TERB1: variants seen among roughly 807,000 people sequenced by gnomAD.
TERB1 encodes telomere repeat binding bouquet formation protein 1, also known as telomere repeats-binding bouquet formation protein 1.
In TERB1, 63 loss-of-function variants were observed where a neutral mutation model predicts 92.3. That is an observed-to-expected ratio of 0.68 (90% CI 0.56 to 0.84). TERB1 has a LOEUF of 0.84. Ranked by LOEUF, TERB1 falls within the 40% of genes least tolerant of loss-of-function variation. TERB1 has a pLI of 0.00. For missense variants in TERB1, 709 were observed against 843.7 expected (o/e 0.84, Z 1.98); for synonymous variants, 252 against 283.9 (o/e 0.89, Z 1.13).
chr16:66,775,164 T>C lies in TERB1; in HGVS notation c.1065A>G (p.Glu355=). ...GCACAAATGTGGCAGCTTTGTTCAG[T>C]TCCTCATTCTGCGATTCAGTTAAGG... The part of the protein sequence containing the change: ...IQALTESQNE[E]LNKAATFVLH... Residue 355 remains glutamate, a synonymous_variant, in exon 12 of 19, where the codon GAA becomes GAG. Transcript: ENST00000433154. The C allele has an allele frequency of 1.3e-6, 2 of 1,551,684 alleles. No homozygotes were observed. The highest frequency in any genetic ancestry group is 1.7e-6 in the Non-Finnish European group (2 of 1,146,968).
intron 16 of TERB1, among the ~76,000 whole-genome samples, chr16:66,763,595 G>A (rs995721478): frequency 2.0e-5 from 3 of 151,908 alleles, no homozygotes; most frequent in African/African-American, 7.3e-5. Context: ...TTGTAATTGG[G>A]CAGCCTCTTG....
At chr16:66,771,495 C>T (rs2018450284) in intron 13 of TERB1, among the ~76,000 whole-genome samples, 1 of 152,174 alleles carries the variant, frequency 6.6e-6, no homozygotes, top group Non-Finnish European at 1.5e-5. Context: ...CCTAAACTTT[C>T]CCTAAAGTTC....
At chr16:66,779,803 A>G (rs1482060013) in intron 9 of TERB1, among the ~76,000 whole-genome samples, 1 of 152,216 alleles carries the variant, frequency 6.6e-6, no homozygotes, top group Non-Finnish European at 1.5e-5. Flanking sequence ...CCGTTCTAAA[A>G]GAGCATACAT....
intron 2 of TERB1, among the ~76,000 whole-genome samples, chr16:66,797,112 T>A (rs1429273794): frequency 6.6e-6 from 1 of 152,190 alleles, no homozygotes; most frequent in East Asian, 1.9e-4. Context: ...CATAATTACA[T>A]TGAAAAACAT....
At chr16:66,797,225 A>AT (rs1219079844) in intron 2 of TERB1, among the ~76,000 whole-genome samples, 1 of 147,676 alleles carries the variant, frequency 6.8e-6, no homozygotes, top group Non-Finnish European at 1.5e-5. Flanking sequence ...AGCTGGTCCC[A>AT]TTTCCTTCCT....
chr16:66,775,055 G>T, intron 12 of TERB1, 63 bp downstream of exon 12: 1 of 1,503,272 alleles, frequency 6.7e-7, no homozygotes, highest in Non-Finnish European at 9.0e-7. Context: ...GCTCATGAAA[G>T]CAGAAATAAA....
At chr16:66,796,087 A>G (rs2018925593) in intron 3 of TERB1, among the ~76,000 whole-genome samples, 1 of 152,196 alleles carries the variant, frequency 6.6e-6, no homozygotes. Context: ...AGAGTAAGCA[A>G]TTCATACTGT....
intron 12 of TERB1, among the ~76,000 whole-genome samples, chr16:66,773,104 G>A (rs1170905354): frequency 6.6e-6 from 1 of 151,670 alleles, no homozygotes; most frequent in African/African-American, 2.4e-5. Flanking sequence ...CGAGGCGGGA[G>A]GATCACTTGA....
chr16:66,767,091 G>A (rs548487553), intron 16 of TERB1, among the ~76,000 whole-genome samples: 6 of 152,046 alleles, frequency 3.9e-5, no homozygotes, highest in East Asian at 1.9e-4. Flanking sequence ...CACTTTGAGA[G>A]GCTGAGGCAG....
intron 11 of TERB1, among the ~76,000 whole-genome samples, chr16:66,776,390 A>G (rs2018549956): frequency 6.6e-6 from 1 of 152,138 alleles, no homozygotes. Context: ...CCTGTCTCAT[A>G]AGTGATCTCA....
In TERB1 at chr16:66,785,817, G is replaced by A. The variant is rs967399537; in HGVS notation, c.669C>T (p.Cys223=). Residue 223 remains cysteine (C), a synonymous_variant, in exon 9 of 19, where the codon TGC becomes TGT. Transcript: ENST00000433154. The stretch of plus-strand genomic sequence containing the variant: ...TTGCAAGAGTGAGTCCAATAAATGA[G>A]CAAATAGGGCGAATTATCTCAGGTG... ...CTTPEIIRPI[C]SFIGLTLANN... The A allele has an allele frequency of 1.4e-5, 22 of 1,547,234 alleles. No individual in the cohort carries two copies. The highest frequency in any genetic ancestry group is 1.7e-4 in the Middle Eastern group (1 of 5,996).
chr16:66,790,496 A>C, intron 5 of TERB1, 99 bp downstream of exon 5: 1 of 913,972 alleles, frequency 1.1e-6, no homozygotes, highest in Non-Finnish European at 1.6e-6. Flanking sequence ...AAACATGTAA[A>C]AAAAAGGAAA....
intron 14 of TERB1, 80 bp from the exon 15 acceptor site, chr16:66,768,248 G>A (rs1275682436): frequency 6.1e-6 from 7 of 1,155,340 alleles, no homozygotes; most frequent in African/African-American, 3.1e-5. Flanking sequence ...AAGCAGTGTT[G>A]TGATTTTCGG....
chr16:66,783,293 T>C (rs1024474074), intron 9 of TERB1, among the ~76,000 whole-genome samples: 4 of 152,234 alleles, frequency 2.6e-5, no homozygotes, highest in Admixed American at 1.3e-4. Context: ...TTTACAGATG[T>C]AGGTTGAATT....
At chr16:66,794,782 C>T (rs910998482) in intron 3 of TERB1, among the ~76,000 whole-genome samples, 5 of 151,892 alleles carry the variant, frequency 3.3e-5, no homozygotes, top group South Asian at 2.1e-4. Context: ...TGGTGGTGGG[C>T]GCCTGCAGTC....
intron 11 of TERB1, among the ~76,000 whole-genome samples, chr16:66,775,835 C>T (rs1165869432): frequency 2.0e-5 from 3 of 151,250 alleles, no homozygotes; most frequent in South Asian, 4.2e-4. Context: ...CTCAGCCTCC[C>T]GAGTAGCTGG....
In TERB1 at chr16:66,755,092, C is replaced by A; in HGVS notation, c.2068G>T (p.Gly690Ter). The A allele has an allele frequency of 6.4e-7, 1 of 1,551,310 alleles. No individual in the cohort carries two copies. Among genetic ancestry groups the A allele is most frequent in the Non-Finnish European group, 8.7e-7 (1 of 1,146,698 alleles). ...NYLFNGVKKMGNHWNSILWSF... is the reference protein window; with the variant it reads ...NYLFNGVKKM ...CACAAAATTGAATTCCAGTGATTTC[C>A]CATTTTCTTAACTCCATTGAAAAGG... The change falls in exon 19 of 19, where the codon GGA becomes TGA. Residue 690 changes from glycine (G) to a stop codon, truncating the protein, a stop_gained. Coordinates refer to ENST00000433154, the MANE Select transcript of TERB1 (RefSeq NM_001136505.2). LOFTEE classifies it high-confidence loss of function.
chr16:66,769,946 C>A lies in TERB1; in HGVS notation c.1619+17G>T. The A allele has an allele frequency of 6.7e-7, 1 of 1,498,770 alleles. No individual in the cohort carries two copies. Among genetic ancestry groups the A allele is most frequent in the South Asian group, 1.2e-5 (1 of 81,984 alleles). The allele number at this position is 1,498,770 out of a possible 1,614,324, so 92.8% of individuals were successfully genotyped here. On this transcript the variant is annotated intron_variant, in intron 14 of 18. Transcript: ENST00000433154. ...TTGCTGAATAAATAAAAGTTACACA[C>A]AATTATTAAACTATACCTTGATTGA... is the stretch of plus-strand genomic sequence containing the variant.
At position 66,770,414 on chromosome 16, in the gene TERB1, C is replaced by A. The variant is rs2018427616; in HGVS notation, c.1273-105G>T. The A allele has an allele frequency of 1.3e-5, 10 of 756,988 alleles. No individual in the cohort carries two copies. In the South Asian group the frequency reaches 2.0e-4, roughly 15 times the overall value. The allele number at this position is 756,988 out of a possible 1,614,324, so 46.9% of individuals were successfully genotyped here. A position where few individuals can be genotyped will look rare whatever the true frequency, so the allele number is the denominator to read the frequency against. On this transcript the variant is annotated intron_variant, in intron 13 of 18. Transcript: ENST00000433154. ...AGAATGAAGAAAAAGTTTATGATTG[C>A]CAATAGAACATATATGATAAAAGGC...
Sources: allele counts gnomAD v4.1 joint callset (sites outside exome capture counted in the v4.1 genomes callset), GRCh38; gene constraint gnomAD v4.1.1; transcripts MANE v1.5; gene names NCBI Gene and HGNC (gene_info 2026-07-23, HGNC 2026-07-21).